Variants in ARHGAP31 observed in about 807,000 individuals in gnomAD.
ARHGAP31 encodes the protein Rho GTPase activating protein 31, also known as rho GTPase-activating protein 31.
In ARHGAP31, 34 loss-of-function variants were observed where a neutral mutation model predicts 113.9. The ratio of observed to expected loss-of-function variants is 0.30; its 90% confidence interval spans 0.23 to 0.40. The LOEUF (loss-of-function observed/expected upper bound fraction) is 0.40. Among genes scored for constraint, ARHGAP31 ranks in the 10% least tolerant of loss-of-function variants. ARHGAP31 has a pLI of 1.00. For synonymous variants in ARHGAP31, 650 were observed against 684.8 expected (o/e 0.95, Z 0.79); for missense variants, 1,548 against 1,767.1 (o/e 0.88, Z 2.22).
intron 1 of ARHGAP31, among the ~76,000 whole-genome samples, chr3:119,337,352 C>T (rs547550812): frequency 1.3e-5 from 2 of 152,244 alleles, no homozygotes; most frequent in African/African-American, 2.4e-5. Flanking sequence ...TTCTTTCCTC[C>T]CGGTGGCTTC....
At chr3:119,334,654 G>C (rs2079926729) in intron 1 of ARHGAP31, among the ~76,000 whole-genome samples, 1 of 152,200 alleles carries the variant, frequency 6.6e-6, no homozygotes. Context: ...CTGGCCAGCA[G>C]GGATATGTTC....
At position 119,406,439 on chromosome 3, in the gene ARHGAP31, T is replaced by A. The variant is rs1293205656; in HGVS notation, c.1646-3057T>A. 2.0e-5 allele frequency among the ~76,000 whole-genome samples: 3 copies of A among 152,234 alleles called. No homozygotes were observed. In the East Asian group the frequency reaches 5.8e-4, roughly 29 times the overall value. On this transcript the variant is annotated intron_variant, in intron 10 of 11. Coordinates refer to ENST00000264245, the MANE Select transcript of ARHGAP31 (RefSeq NM_020754.4). Reference sequence around the variant, plus strand: ...AATAAATGGTTGCATAAATACAAAATGATGTTTGCACGTCATGGCATTATT... The same window carrying A: ...AATAAATGGTTGCATAAATACAAAAAGATGTTTGCACGTCATGGCATTATT...
rs185124298 is a variant in ARHGAP31, at chr3:119,416,369, T to C, written c.*105T>C. On this transcript the variant is annotated 3_prime_UTR_variant, in exon 12 of 12. Coordinates refer to ENST00000264245, the MANE Select transcript of ARHGAP31 (RefSeq NM_020754.4). ...GCACACGTTATCAAGTTTGGGCCTA[T>C]TGTGGCCTCTGACTTCTCTTTCTTC... 452 of 1,517,786 alleles carry C rather than the reference T, an allele frequency of 3.0e-4. 1 individual carries two copies. In the East Asian group the frequency reaches 9.3e-3, roughly 31 times the overall value. The allele number at this position is 1,517,786 out of a possible 1,614,324, so 94.0% of individuals were successfully genotyped here.
rs183770177 is a variant in ARHGAP31 at position 119,409,546 on chromosome 3, G to C, written c.1696G>C (p.Ala566Pro). Residue 566 changes from alanine to proline, a missense_variant, in exon 11 of 12, where the codon GCA becomes CCA. Physicochemically the swap from Ala to Pro is conservative, Grantham distance 27 (BLOSUM62 -1). Transcript: ENST00000264245. ...TGAGGATGCCAAGGCAGTACCTGAA[G>C]CACCGGGGACAGTGGAATGCAGCAA... ...GLEDAKAVPEAPGTVECSKGL... is the reference protein window; with the variant it reads ...GLEDAKAVPEPPGTVECSKGL... The C allele has an allele frequency of 1.9e-6, 3 of 1,614,226 alleles. No individual in the cohort carries two copies. Among genetic ancestry groups the C allele is most frequent in the Non-Finnish European group, 2.5e-6 (3 of 1,180,036 alleles).
At chr3:119,336,033 G>C (rs778976192) in intron 1 of ARHGAP31, among the ~76,000 whole-genome samples, 7 of 152,138 alleles carry the variant, frequency 4.6e-5, no homozygotes, top group Non-Finnish European at 8.8e-5. Flanking sequence ...AAAATAGCCA[G>C]GCTTGGTGGC....
At chr3:119,356,013 T>C (rs1364190835) in intron 1 of ARHGAP31, among the ~76,000 whole-genome samples, 5 of 152,148 alleles carry the variant, frequency 3.3e-5, no homozygotes, top group Non-Finnish European at 7.4e-5. Context: ...CACAACTTAG[T>C]AATGGAGATG....
intron 3 of ARHGAP31, among the ~76,000 whole-genome samples, chr3:119,369,104 G>A (rs1353697355): frequency 6.6e-6 from 1 of 152,224 alleles, no homozygotes; most frequent in Non-Finnish European, 1.5e-5. Context: ...CACCTAAGTA[G>A]CAGCTGTATG....
At chr3:119,356,700 A>G (rs1293577919) in intron 1 of ARHGAP31, among the ~76,000 whole-genome samples, 1 of 152,172 alleles carries the variant, frequency 6.6e-6, no homozygotes, top group East Asian at 1.9e-4. Context: ...CTGCCTAACA[A>G]TATATCTGAG....
intron 1 of ARHGAP31, among the ~76,000 whole-genome samples, chr3:119,337,341 G>A (rs375557841): frequency 3.9e-5 from 6 of 152,102 alleles, no homozygotes; most frequent in Admixed American, 2.0e-4. Flanking sequence ...GTCCAGAGTT[G>A]TTCTTTCCTC....
chr3:119,300,045 T>C (rs1576982515), intron 1 of ARHGAP31, among the ~76,000 whole-genome samples: 1 of 152,202 alleles, frequency 6.6e-6, no homozygotes, highest in Non-Finnish European at 1.5e-5. Flanking sequence ...CTGAGGCAGG[T>C]GCCCCTGCTG....
At chr3:119,397,631 T>C (rs549130681) in intron 8 of ARHGAP31, among the ~76,000 whole-genome samples, 2 of 152,310 alleles carry the variant, frequency 1.3e-5, no homozygotes, top group East Asian at 3.9e-4. Flanking sequence ...CGTCCCACAG[T>C]GGGCCCCAGA....
intron 1 of ARHGAP31, chr3:119,329,865 CT>C: frequency 2.0e-6 from 2 of 985,496 alleles, no homozygotes; most frequent in Non-Finnish European, 2.4e-6. Context: ...TTATCCAAGC[CT>C]CATTGTGTGA....
chr3:119,361,374 C>CTTTTTT (rs555396093), intron 1 of ARHGAP31, among the ~76,000 whole-genome samples: 9 of 132,340 alleles, frequency 6.8e-5, no homozygotes, highest in Non-Finnish European at 6.4e-5. Flanking sequence ...TTCAACATTC[C>CTTTTTT]TTTTTTTTTT....
chr3:119,401,971 G>C lies in ARHGAP31; in HGVS notation c.1219G>C (p.Ala407Pro). The C allele has an allele frequency of 6.2e-7, 1 of 1,614,144 alleles. No individual in the cohort carries two copies. The highest frequency in any genetic ancestry group is 8.5e-7 in the Non-Finnish European group (1 of 1,180,022). The change falls in exon 10 of 12, where the codon GCT becomes CCT. Residue 407 changes from alanine to proline, a missense_variant. Ala to Pro is a conservative substitution (Grantham distance 27, BLOSUM62 -1). Transcript: ENST00000264245. ...EWGQEGMPPG[A>P]EGGFDVSSDR... The stretch of plus-strand genomic sequence containing the variant: ...GGGCCAGGAGGGGATGCCTCCCGGG[G>C]CTGAGGGTGGCTTTGATGTGAGCAG...
chr3:119,337,187 A>G (rs2079960736), intron 1 of ARHGAP31, among the ~76,000 whole-genome samples: 1 of 152,184 alleles, frequency 6.6e-6, no homozygotes, highest in East Asian at 1.9e-4. Context: ...TACAGTTCTT[A>G]GAGACGGTTT....
chr3:119,307,542 G>T (rs909811837), intron 1 of ARHGAP31, among the ~76,000 whole-genome samples: 2 of 152,100 alleles, frequency 1.3e-5, no homozygotes, highest in African/African-American at 4.8e-5. Context: ...TTTCCCTTGG[G>T]TGGATGTATA....
chr3:119,321,735 ACC>A (rs1259925245), intron 1 of ARHGAP31, among the ~76,000 whole-genome samples: 1 of 151,950 alleles, frequency 6.6e-6, no homozygotes, highest in Non-Finnish European at 1.5e-5. Context: ...TGAAGCCTCT[ACC>A]TCTCGGGCTC....
chr3:119,388,120 T>C (rs1365115262), intron 6 of ARHGAP31, among the ~76,000 whole-genome samples: 4 of 152,056 alleles, frequency 2.6e-5, no homozygotes, highest in Non-Finnish European at 2.9e-5. Context: ...CAAAGTGGGG[T>C]GCCCCACTCT....
chr3:119,393,322 C>A, intron 7 of ARHGAP31, 145 bp from the exon 8 acceptor site: 3 of 1,111,116 alleles, frequency 2.7e-6, no homozygotes, highest in Non-Finnish European at 4.0e-6. Flanking sequence ...GAGAATCAAG[C>A]TTACCTTGGA....
Sources: gnomAD v4.1 joint callset for allele counts (sites outside exome capture counted in the v4.1 genomes callset) on GRCh38, gnomAD v4.1.1 for gene constraint, MANE v1.5 for transcripts, NCBI Gene and HGNC (gene_info 2026-07-23, HGNC 2026-07-21) for gene names.